Variants in KIAA0513 observed in about 807,000 individuals in gnomAD.
KIAA0513 encodes KIAA0513, also known as uncharacterized protein KIAA0513.
In KIAA0513, 39 loss-of-function variants were observed where a neutral mutation model predicts 56.5. That is an observed-to-expected ratio of 0.69 (90% CI 0.53 to 0.90). KIAA0513 has a LOEUF of 0.90. Among genes scored for constraint, KIAA0513 ranks in the 40% least tolerant of loss-of-function variants. The probability of loss-of-function intolerance (pLI) is 0.00; values close to 1 mark genes in which losing one functional copy is unlikely to be tolerated. For missense variants in KIAA0513, 591 were observed against 535.2 expected, an observed-to-expected ratio of 1.10 and a Z score of -1.03; for synonymous variants, 268 against 215.6, an observed-to-expected ratio of 1.24 and a Z score of -2.13.
chr16:85,036,093 G>A (rs1313501144), intron 1 of KIAA0513, among the ~76,000 whole-genome samples: 1 of 152,142 alleles, frequency 6.6e-6, no homozygotes, highest in Non-Finnish European at 1.5e-5. Context: ...GGGATTACAG[G>A]CATGAACCAC....
Position 85,040,287 on chromosome 16 carries a change from G to C in KIAA0513, c.-173+12429G>C, listed in dbSNP as rs576813707. On this transcript the variant is annotated intron_variant, in intron 1 of 12. Coordinates refer to ENST00000683363, the MANE Select transcript of KIAA0513 (RefSeq NM_001388359.1). ...GGCATCTAGCGAGTGGAGGCCAGGA[G>C]TGCCCCAAGCATCCTATAGTGCAAG... Among the ~76,000 whole-genome samples, 531 of 152,334 alleles carry C rather than the reference G, an allele frequency of 3.5e-3. 2 individuals are homozygous for C. Among genetic ancestry groups the C allele is most frequent in the African/African-American group, 0.012 (506 of 41,566 alleles).
chr16:85,087,034 G>A (rs1172044466), intron 11 of KIAA0513, 38 bp from the exon 12 acceptor site: 1 of 1,596,062 alleles, frequency 6.3e-7, no homozygotes, highest in Admixed American at 1.7e-5. Flanking sequence ...TTTCCCCTGG[G>A]AGGCCAGCGG....
chr16:85,043,110 C>G (rs1410918406), intron 1 of KIAA0513, among the ~76,000 whole-genome samples: 2 of 152,164 alleles, frequency 1.3e-5, no homozygotes, highest in Non-Finnish European at 2.9e-5. Flanking sequence ...CAATTTTAGA[C>G]TAGCAGTGTA....
At chr16:85,070,136 A>G (rs1481133104) in intron 2 of KIAA0513, among the ~76,000 whole-genome samples, 1 of 150,024 alleles carries the variant, frequency 6.7e-6, no homozygotes, top group Non-Finnish European at 1.5e-5. Context: ...GGACTACTGC[A>G]CTCCAGCCTG....
intron 1 of KIAA0513, among the ~76,000 whole-genome samples, chr16:85,040,280 G>A (rs2073088433): frequency 6.6e-6 from 1 of 152,214 alleles, no homozygotes; most frequent in Non-Finnish European, 1.5e-5. Flanking sequence ...GCGAGTGGAG[G>A]CCAGGAGTGC....
At chr16:85,043,638 C>T (rs1353953567) in intron 1 of KIAA0513, among the ~76,000 whole-genome samples, 1 of 152,004 alleles carries the variant, frequency 6.6e-6, no homozygotes, top group African/African-American at 2.4e-5. Flanking sequence ...GTCTTGAACT[C>T]TTGACCTCAA....
chr16:85,039,932 T>A (rs1337444832), intron 1 of KIAA0513, among the ~76,000 whole-genome samples: 2 of 151,904 alleles, frequency 1.3e-5, no homozygotes, highest in African/African-American at 4.8e-5. Flanking sequence ...CCTCCCAGGT[T>A]CAAGCAATTC....
At chr16:85,063,023 G>A (rs1372658097) in intron 1 of KIAA0513, among the ~76,000 whole-genome samples, 1 of 152,182 alleles carries the variant, frequency 6.6e-6, no homozygotes, top group East Asian at 1.9e-4. Context: ...GAGCTGAGGG[G>A]TCCGGGGACA....
chr16:85,052,274 C>G (rs1019186871), intron 1 of KIAA0513, among the ~76,000 whole-genome samples: 1 of 152,036 alleles, frequency 6.6e-6, no homozygotes, highest in Non-Finnish European at 1.5e-5. Context: ...GAGCTGAGAT[C>G]ACGCCACTGC....
chr16:85,032,691 C>T (rs1164091127), intron 1 of KIAA0513, among the ~76,000 whole-genome samples: 1 of 151,948 alleles, frequency 6.6e-6, no homozygotes, highest in East Asian at 1.9e-4. Flanking sequence ...AGTGCGGTGG[C>T]ACAATCTTGG....
chr16:85,087,025 T>C, intron 11 of KIAA0513, 47 bp from the exon 12 acceptor site: 1 of 1,580,516 alleles, frequency 6.3e-7, no homozygotes, highest in Non-Finnish European at 8.7e-7. Context: ...CCCCGGCCCT[T>C]TCCCCTGGGA....
At position 85,091,158 on chromosome 16, in the gene KIAA0513, C is replaced by G. The variant is rs1480349533; in HGVS notation, c.*2833C>G. On this transcript the variant is annotated 3_prime_UTR_variant, in exon 13 of 13. Transcript: ENST00000683363. ...GTCATCCATGGGGCCATTGCAGGCA[C>G]TCTGCCGCCCGACCTTGAGGGCTGT... is the stretch of plus-strand genomic sequence containing the variant. 1.3e-5 allele frequency: 2 copies of G among 152,248 alleles called. No homozygotes were observed. The highest frequency in any genetic ancestry group is 2.9e-5 in the Non-Finnish European group (2 of 68,052). 9.4% of individuals were successfully genotyped at this position (152,248 alleles called of 1,614,324 possible). A position where few individuals can be genotyped will look rare whatever the true frequency, so the allele number is the denominator to read the frequency against.
intron 2 of KIAA0513, among the ~76,000 whole-genome samples, chr16:85,069,997 T>C (rs1281966211): frequency 7.2e-6 from 1 of 139,648 alleles, no homozygotes; most frequent in Admixed American, 7.5e-5. Context: ...AAACCCCCTC[T>C]CTACAAAAAA....
intron 1 of KIAA0513, among the ~76,000 whole-genome samples, chr16:85,055,662 C>T (rs1030460488): frequency 5.9e-5 from 9 of 152,152 alleles, no homozygotes; most frequent in Non-Finnish European, 1.3e-4. Flanking sequence ...TTCTAGACAC[C>T]TACTGACATG....
At chr16:85,029,302 G>C (rs1282674278) in intron 1 of KIAA0513, among the ~76,000 whole-genome samples, 2 of 152,204 alleles carry the variant, frequency 1.3e-5, no homozygotes, top group African/African-American at 4.8e-5. Flanking sequence ...ACCTCTCTGT[G>C]TTACATTCTG....
At chr16:85,087,552 C>T (rs190329996) in intron 12 of KIAA0513, among the ~76,000 whole-genome samples, 1 of 152,284 alleles carries the variant, frequency 6.6e-6, no homozygotes, top group East Asian at 1.9e-4. Flanking sequence ...ACCACACTGC[C>T]ATCATGAGTA....
At position 85,088,564 on chromosome 16, in the gene KIAA0513, G is replaced by A. The variant is rs1320813541; in HGVS notation, c.*239G>A. On this transcript the variant is annotated 3_prime_UTR_variant, in exon 13 of 13. Coordinates refer to ENST00000683363, the MANE Select transcript of KIAA0513 (RefSeq NM_001388359.1). ...CTTGGGTCACACAGCTAAAGCCGAG[G>A]TGACCAGTTGTACCCCGAGTGCCAG... 5 of 550,846 alleles carry A rather than the reference G, an allele frequency of 9.1e-6. No homozygotes were observed. The highest frequency in any genetic ancestry group is 1.3e-5 in the Non-Finnish European group (4 of 306,038). 34.1% of individuals were successfully genotyped at this position (550,846 alleles called of 1,614,324 possible). A position where few individuals can be genotyped will look rare whatever the true frequency, so the allele number is the denominator to read the frequency against.
intron 1 of KIAA0513, among the ~76,000 whole-genome samples, chr16:85,038,817 A>G (rs933505270): frequency 3.9e-5 from 6 of 152,052 alleles, no homozygotes; most frequent in Non-Finnish European, 7.4e-5. Flanking sequence ...AAAATCACTA[A>G]TGAGGTAGTT....
At chr16:85,049,904 G>T (rs892319027) in intron 1 of KIAA0513, among the ~76,000 whole-genome samples, 2 of 152,164 alleles carry the variant, frequency 1.3e-5, no homozygotes, top group Non-Finnish European at 2.9e-5. Context: ...ATGCCAAGGG[G>T]TTGGGGCAAT....
Sources: gnomAD v4.1 joint callset for allele counts (sites outside exome capture counted in the v4.1 genomes callset) on GRCh38, gnomAD v4.1.1 for gene constraint, MANE v1.5 for transcripts, NCBI Gene and HGNC (gene_info 2026-07-23, HGNC 2026-07-21) for gene names.